TMEM135: variants seen among roughly 807,000 people sequenced by gnomAD.
The protein encoded by TMEM135 is peroxisomal membrane protein 52.
A neutral mutation model predicts 60.3 loss-of-function variants in TMEM135; 30 were observed. The ratio of observed to expected loss-of-function variants is 0.50; its 90% confidence interval spans 0.37 to 0.68. TMEM135 has a LOEUF of 0.68. Ranked by LOEUF, TMEM135 falls within the 30% of genes least tolerant of loss-of-function variation. TMEM135 has a pLI of 0.00. For missense variants in TMEM135, 468 were observed against 548.8 expected (o/e 0.85, Z 1.47); for synonymous variants, 190 against 186.7 (o/e 1.02, Z -0.14).
At chr11:87,185,055 TC>T (rs1371427119) in intron 5 of TMEM135, among the ~76,000 whole-genome samples, 1 of 152,204 alleles carries the variant, frequency 6.6e-6, no homozygotes, top group African/African-American at 2.4e-5. Context: ...CTTCTTTATA[TC>T]CCTAACCACT....
At position 87,326,905 on chromosome 11, in the gene TMEM135, G is replaced by A. The variant is rs1051723912; in HGVS notation, c.*5572G>A. The A allele has an allele frequency of 1.2e-5, 5 of 421,134 alleles. No individual in the cohort carries two copies. Among genetic ancestry groups the A allele is most frequent in the African/African-American group, 7.0e-5 (3 of 42,850 alleles). The allele number at this position is 421,134 out of a possible 1,614,324, so 26.1% of individuals were successfully genotyped here. ...AACTAGAGGCATCATTGAATCATCT[G>A]AGGACCTTTTTTTTTTTTTTTTTTT... is the stretch of plus-strand genomic sequence containing the variant. On this transcript the variant is annotated 3_prime_UTR_variant, in exon 15 of 15. Coordinates refer to ENST00000305494, the MANE Select transcript of TMEM135 (RefSeq NM_022918.4).
At chr11:87,111,502 T>C (rs960014072) in intron 4 of TMEM135, among the ~76,000 whole-genome samples, 3 of 150,354 alleles carry the variant, frequency 2.0e-5, no homozygotes, top group African/African-American at 7.4e-5. Context: ...AAAAAAAAAA[T>C]TAGCCAGGCG....
Position 87,071,675 on chromosome 11 carries a change from T to C in TMEM135, c.362+60T>C, listed in dbSNP as rs63253360. 12 of 340,856 alleles carry C rather than the reference T, an allele frequency of 3.5e-5. No individual in the cohort carries two copies. In the East Asian group the frequency reaches 2.6e-3, roughly 74 times the overall value. 21.1% of individuals were successfully genotyped at this position (340,856 alleles called of 1,614,324 possible). A position where few individuals can be genotyped will look rare whatever the true frequency, so the allele number is the denominator to read the frequency against. On this transcript the variant is annotated intron_variant, in intron 3 of 14. Transcript: ENST00000305494. The stretch of plus-strand genomic sequence containing the variant: ...TACCTGTCCCCTACCCCAACTATAA[T>C]TTTTTTTTTTTTAATTATCACTTAC...
At position 87,232,003 on chromosome 11, in the gene TMEM135, G is replaced by A. The variant is rs544878945; in HGVS notation, c.463-4635G>A. On this transcript the variant is annotated intron_variant, in intron 5 of 14. Transcript: ENST00000305494. ...GTCTCATTCCATCACCCAGGCTGGA[G>A]TGCAGTGGTGCAATCTCACTCACTG... 2.6e-4 allele frequency among the ~76,000 whole-genome samples: 40 copies of A among 151,472 alleles called. 2 individuals are homozygous for A. In the South Asian group the frequency reaches 7.1e-3, roughly 27 times the overall value.
chr11:87,302,869 TG>T (rs574165546), intron 8 of TMEM135, among the ~76,000 whole-genome samples: 1 of 152,330 alleles, frequency 6.6e-6, no homozygotes, highest in East Asian at 1.9e-4. Context: ...TGAAAATTTT[TG>T]GGGTTCTCAA....
intron 4 of TMEM135, among the ~76,000 whole-genome samples, chr11:87,107,678 G>C (rs2135193675): frequency 6.6e-6 from 1 of 152,252 alleles, no homozygotes; most frequent in South Asian, 2.1e-4. Flanking sequence ...GGACATTTGG[G>C]TTGGTTCCAA....
intron 4 of TMEM135, among the ~76,000 whole-genome samples, chr11:87,110,686 A>C (rs755771106): frequency 4.6e-5 from 7 of 152,208 alleles, no homozygotes; most frequent in Non-Finnish European, 8.8e-5. Flanking sequence ...GAGTAATTTA[A>C]AGAAATGTTT....
intron 3 of TMEM135, among the ~76,000 whole-genome samples, chr11:87,083,426 ATTAG>A (rs966972605): frequency 9.8e-5 from 15 of 152,310 alleles, no homozygotes; most frequent in African/African-American, 1.7e-4. Flanking sequence ...GATATTTAGT[ATTAG>A]TTAAGAATTG....
At chr11:87,126,695 G>C (rs904188799) in intron 4 of TMEM135, among the ~76,000 whole-genome samples, 2 of 151,928 alleles carry the variant, frequency 1.3e-5, no homozygotes, top group Non-Finnish European at 2.9e-5. Flanking sequence ...TTCATTTTTT[G>C]TGTTAAAAAT....
At chr11:87,320,699 A>G in intron 14 of TMEM135, among the ~76,000 whole-genome samples, 1 of 152,152 alleles carries the variant, frequency 6.6e-6, no homozygotes. Context: ...TTGAAAACCT[A>G]TATGCTGTTT....
At chr11:87,266,381 A>T (rs1018196430) in intron 6 of TMEM135, among the ~76,000 whole-genome samples, 5 of 152,182 alleles carry the variant, frequency 3.3e-5, no homozygotes, top group African/African-American at 1.2e-4. Context: ...GTTGGAAAAC[A>T]CTAGAGTCGT....
intron 2 of TMEM135, among the ~76,000 whole-genome samples, chr11:87,070,490 CG>C (rs1162898820): frequency 2.6e-5 from 4 of 151,928 alleles, no homozygotes; most frequent in African/African-American, 7.3e-5. Context: ...AAAAATTAGC[CG>C]GGCGTGGTGG....
At chr11:87,201,279 T>A (rs1940089220) in intron 5 of TMEM135, among the ~76,000 whole-genome samples, 2 of 152,200 alleles carry the variant, frequency 1.3e-5, no homozygotes, top group Admixed American at 6.5e-5. Flanking sequence ...TATTGTAATT[T>A]TAAGTACAAC....
At chr11:87,150,086 A>G (rs1419208027) in intron 4 of TMEM135, among the ~76,000 whole-genome samples, 5 of 151,932 alleles carry the variant, frequency 3.3e-5, no homozygotes, top group African/African-American at 1.2e-4. Context: ...GCATGGTGGC[A>G]CATGCCTGTA....
intron 5 of TMEM135, among the ~76,000 whole-genome samples, chr11:87,182,209 G>A (rs1355924827): frequency 6.6e-6 from 1 of 151,910 alleles, no homozygotes; most frequent in Non-Finnish European, 1.5e-5. Context: ...TTAATATTAT[G>A]TGTGAACAGT....
intron 6 of TMEM135, among the ~76,000 whole-genome samples, chr11:87,240,294 T>C (rs754108128): frequency 1.3e-5 from 2 of 152,082 alleles, no homozygotes; most frequent in Non-Finnish European, 2.9e-5. Flanking sequence ...TTACATCCTT[T>C]GTTCAATCAC....
chr11:87,189,130 T>TTTCCCTTTCCTTTCCCTTTCCC (rs1393295721), intron 5 of TMEM135, among the ~76,000 whole-genome samples: 1 of 136,492 alleles, frequency 7.3e-6, no homozygotes, highest in African/African-American at 2.7e-5. Flanking sequence ...TCCCTTTCCC[T>TTTCCCTTTCCTTTCCCTTTCCC]TTTCCTTTCC....
chr11:87,313,580 A>C, intron 11 of TMEM135, 92 bp downstream of exon 11: 2 of 1,103,396 alleles, frequency 1.8e-6, no homozygotes, highest in Non-Finnish European at 2.8e-6. Flanking sequence ...AATTTCTATG[A>C]ATCTTCCTTT....
rs567534793 is a variant in TMEM135 at position 87,128,157 on chromosome 11, A to G, written c.397-29184A>G. 2.0e-3 allele frequency among the ~76,000 whole-genome samples: 298 copies of G among 152,248 alleles called. 2 individuals are homozygous for G. Among genetic ancestry groups the G allele is most frequent in the Admixed American group, 3.9e-3 (59 of 15,286 alleles). ...GTAAAACACTTGGTTTCTAACCTTA[A>G]TTTTCTGTTAAGGATTTTAGAGCTG... On this transcript the variant is annotated intron_variant, in intron 4 of 14. Transcript: ENST00000305494.
Sources: allele counts gnomAD v4.1 joint callset (sites outside exome capture counted in the v4.1 genomes callset), GRCh38; gene constraint gnomAD v4.1.1; transcripts MANE v1.5; gene names NCBI Gene and HGNC (gene_info 2026-07-23, HGNC 2026-07-21).